CYP4X1: variants seen among roughly 807,000 people sequenced by gnomAD.
The protein encoded by CYP4X1 is cytochrome P450 family 4 subfamily X member 1.
In CYP4X1, 44 loss-of-function variants were observed where a neutral mutation model predicts 57.9. That is an observed-to-expected ratio of 0.76 (90% CI 0.60 to 0.98). CYP4X1 has a LOEUF of 0.98. CYP4X1 is among the 50% of genes least tolerant of loss of function. The pLI is 0.00. For missense variants in CYP4X1, 532 were observed against 623.9 expected (o/e 0.85, Z 1.57); for synonymous variants, 227 against 228.6 (o/e 0.99, Z 0.06).
At chr1:47,008,603 G>A in the CYP4X1 span, among the ~76,000 whole-genome samples, 1 of 152,116 alleles carries the variant, frequency 6.6e-6, no homozygotes, top group Admixed American at 6.5e-5. Flanking sequence ...TGGGCTAAAT[G>A]CTCCAATTAA....
chr1:46,999,552 TG>T, the CYP4X1 span, among the ~76,000 whole-genome samples: 3 of 152,196 alleles, frequency 2.0e-5, no homozygotes, highest in African/African-American at 7.2e-5. Flanking sequence ...TATGATTTTT[TG>T]GTCTCGATTT....
chr1:46,967,664 G>A, the CYP4X1 span: 1 of 518,808 alleles, frequency 1.9e-6, no homozygotes, highest in Non-Finnish European at 3.2e-6. Context: ...AGGGTGGCAG[G>A]TGGAGGCCCT....
chr1:47,038,792 G>A, intron 7 of CYP4X1, 26 bp downstream of exon 7: 1 of 1,589,062 alleles, frequency 6.3e-7, no homozygotes, highest in Non-Finnish European at 8.6e-7. Context: ...TTCTAAGCCT[G>A]CTCAAGTGAC....
chr1:47,024,090 C>T (rs1182182416), intron 1 of CYP4X1, 96 bp downstream of exon 1: 4 of 1,427,476 alleles, frequency 2.8e-6, no homozygotes, highest in Non-Finnish European at 3.8e-6. Context: ...TTTCTTCCAT[C>T]CCTGGGGACC....
chr1:47,052,079 A>G (rs1028797485), downstream of CYP4X1, among the ~76,000 whole-genome samples: 3 of 152,062 alleles, frequency 2.0e-5, no homozygotes, highest in Non-Finnish European at 4.4e-5. Context: ...CTTCTTTAAC[A>G]ATTATGTTCC....
intron 1 of CYP4X1, 131 bp downstream of exon 1, chr1:47,024,125 G>C: frequency 8.9e-7 from 1 of 1,122,964 alleles, no homozygotes; most frequent in South Asian, 1.7e-5. Flanking sequence ...GGCCTTTCCA[G>C]CCCGGCCTGT....
chr1:46,961,716 C>T, the CYP4X1 span: 7 of 1,303,670 alleles, frequency 5.4e-6, no homozygotes, highest in Admixed American at 1.6e-4. Flanking sequence ...CTTGCAGAAC[C>T]TCAAGCCCTA....
Position 47,023,945 on chromosome 1 carries a change from T to TGCGCCCCTTCCCAGCGCCCCCC in CYP4X1, c.129_150dup (p.Thr51AlafsTer21). On this transcript the variant is annotated frameshift_variant, in exon 1 of 12. Coordinates refer to ENST00000371901, the MANE Select transcript of CYP4X1 (RefSeq NM_178033.2). LOFTEE classifies it high-confidence loss of function. ...CGGAGGCAGCGGCTGCTGCGGGACC[T>TGCGCCCCTTCCCAGCGCCCCCC]GCGCCCCTTCCCAGCGCCCCCCACC... 1.2e-6 allele frequency: 2 copies of TGCGCCCCTTCCCAGCGCCCCCC among 1,613,318 alleles called. No individual in the cohort carries two copies. The highest frequency in any genetic ancestry group is 2.7e-5 in the African/African-American group (2 of 75,018).
chr1:47,030,266 G>T (rs1050818926), intron 2 of CYP4X1, 135 bp downstream of exon 2: 18 of 1,112,198 alleles, frequency 1.6e-5, no homozygotes, highest in Non-Finnish European at 2.1e-5. Context: ...GAGGTGACAG[G>T]TTTCCTACCA....
At chr1:46,993,780 T>A in the CYP4X1 span, among the ~76,000 whole-genome samples, 5 of 152,328 alleles carry the variant, frequency 3.3e-5, no homozygotes, top group Admixed American at 2.0e-4. Context: ...TGGGGTTGTT[T>A]GTTTTTTTCT....
chr1:47,001,779 C>T, the CYP4X1 span, among the ~76,000 whole-genome samples: 11,427 of 152,314 alleles, frequency 0.075, 1,249 homozygotes, highest in African/African-American at 0.24. Context: ...GACCCTCCCA[C>T]GCTCTTCATC....
chr1:47,053,912 C>CT (rs1644375196), downstream of CYP4X1, among the ~76,000 whole-genome samples: 1 of 152,138 alleles, frequency 6.6e-6, no homozygotes, highest in Non-Finnish European at 1.5e-5. Context: ...TGCAGAAGCT[C>CT]TTTCGTTTAA....
chr1:46,964,961 A>G, the CYP4X1 span, among the ~76,000 whole-genome samples: 99,803 of 152,024 alleles, frequency 0.66, 33,270 homozygotes, highest in Non-Finnish European at 0.72. Context: ...CCCTAGCCTC[A>G]CTGCCGCCTT....
At chr1:47,041,069 C>T (rs966619151) in intron 8 of CYP4X1, among the ~76,000 whole-genome samples, 2 of 152,118 alleles carry the variant, frequency 1.3e-5, no homozygotes, top group African/African-American at 4.8e-5. Flanking sequence ...GCTTATTTCA[C>T]TTAGCATAAT....
the CYP4X1 span, among the ~76,000 whole-genome samples, chr1:46,980,637 T>A: frequency 2.6e-5 from 4 of 152,310 alleles, no homozygotes; most frequent in Non-Finnish European, 5.9e-5. Context: ...TACTTTAAAG[T>A]TCATATGGAA....
At chr1:46,988,474 A>G in the CYP4X1 span, among the ~76,000 whole-genome samples, 1 of 152,196 alleles carries the variant, frequency 6.6e-6, no homozygotes, top group South Asian at 2.1e-4. Flanking sequence ...GAATGGTACC[A>G]TTCCTTCTGA....
chr1:47,054,396 A>G (rs1403689430), downstream of CYP4X1, among the ~76,000 whole-genome samples: 1 of 152,080 alleles, frequency 6.6e-6, no homozygotes, highest in Admixed American at 6.6e-5. Flanking sequence ...TGACTTGGCA[A>G]TGAGGGCTCT....
At chr1:47,043,349 T>C (rs1644267611) in intron 8 of CYP4X1, among the ~76,000 whole-genome samples, 1 of 152,188 alleles carries the variant, frequency 6.6e-6, no homozygotes, top group Non-Finnish European at 1.5e-5. Context: ...AGATTCTGGA[T>C]ATTAGACCTT....
downstream of CYP4X1, among the ~76,000 whole-genome samples, chr1:47,051,270 T>C (rs1177180002): frequency 2.6e-5 from 4 of 151,968 alleles, no homozygotes; most frequent in Non-Finnish European, 4.4e-5. Flanking sequence ...GGAAGACTTT[T>C]ACACTGTTGG....
Sources: allele counts gnomAD v4.1 joint callset (sites outside exome capture counted in the v4.1 genomes callset), GRCh38; gene constraint gnomAD v4.1.1; transcripts MANE v1.5; gene names NCBI Gene and HGNC (gene_info 2026-07-23, HGNC 2026-07-21).